TPX2: variants seen among roughly 807,000 people sequenced by gnomAD.
TPX2 encodes TPX2 microtubule nucleation factor, also known as targeting protein for Xklp2.
A neutral mutation model predicts 93.6 loss-of-function variants in TPX2; 21 were observed. The ratio of observed to expected loss-of-function variants is 0.22; its 90% CI spans 0.16 to 0.32. TPX2 has a LOEUF of 0.32. Among genes scored for constraint, TPX2 ranks in the 10% least tolerant of loss-of-function variants. The pLI is 1.00. For missense variants in TPX2, 776 were observed against 871.1 expected, an observed-to-expected ratio of 0.89 and a Z score of 1.37; for synonymous variants, 281 against 298.3, an observed-to-expected ratio of 0.94 and a Z score of 0.60.
At chr20:31,751,176 A>G (rs1400975495) in intron 2 of TPX2, among the ~76,000 whole-genome samples, 1 of 152,120 alleles carries the variant, frequency 6.6e-6, no homozygotes, top group African/African-American at 2.4e-5. Context: ...AAAAGAAAGA[A>G]AAAAAGGATG....
At chr20:31,780,800 T>G (rs985240928) in intron 10 of TPX2, 2 of 260,960 alleles carry the variant, frequency 7.7e-6, no homozygotes, top group African/African-American at 4.7e-5. Context: ...TTAACATAGT[T>G]TTTAACTTTC....
intron 3 of TPX2, among the ~76,000 whole-genome samples, chr20:31,758,373 G>T (rs2061865055): frequency 6.6e-6 from 1 of 152,082 alleles, no homozygotes; most frequent in Non-Finnish European, 1.5e-5. Flanking sequence ...ACCCACCTCA[G>T]CCTCCCAAAG....
At chr20:31,792,344 G>A (rs910937359) in intron 12 of TPX2, among the ~76,000 whole-genome samples, 1 of 152,148 alleles carries the variant, frequency 6.6e-6, no homozygotes, top group Non-Finnish European at 1.5e-5. Context: ...GGGCAACAGG[G>A]TGAGACTCTG....
rs553608828 is a variant in TPX2, at chr20:31,746,748, A to G, written c.-71+4101A>G. ...CACCTTTTGATTTATAGAGCTTGTCAAGACTAGTTATTTTTGGTTTGAGAG... is the reference window on the plus strand; with the variant it reads ...CACCTTTTGATTTATAGAGCTTGTCGAGACTAGTTATTTTTGGTTTGAGAG... On this transcript the variant is annotated intron_variant, in intron 2 of 17. Transcript: ENST00000300403. Among the ~76,000 whole-genome samples, 4 of 152,240 alleles carry G rather than the reference A, an allele frequency of 2.6e-5. No homozygotes were observed. The East Asian group carries it at 7.7e-4, about 29-fold the overall frequency.
intron 2 of TPX2, among the ~76,000 whole-genome samples, chr20:31,749,843 A>T (rs908072122): frequency 6.6e-6 from 1 of 152,158 alleles, no homozygotes; most frequent in African/African-American, 2.4e-5. Context: ...TAACTTTTTC[A>T]AATTTATATA....
In TPX2 at chr20:31,775,970, C is replaced by T. The variant is rs771264707; in HGVS notation, c.712C>T (p.Leu238Phe). 19 of 1,493,114 alleles carry T rather than the reference C, an allele frequency of 1.3e-5. No homozygotes were observed. The Admixed American group carries it at 3.4e-4, about 26-fold the overall frequency. 92.5% of individuals were successfully genotyped at this position (1,493,114 alleles called of 1,614,324 possible). A position where few individuals can be genotyped will look rare whatever the true frequency, so the allele number is the denominator to read the frequency against. ...MRKKNEEFKK[L>F]ALAGIGQPVK... ...GAAAAAGAATGAAGAATTCAAGAAACTTGCTCTGGCTGGAATAGGTGAGCT... is the reference window on the plus strand; with the variant it reads ...GAAAAAGAATGAAGAATTCAAGAAATTTGCTCTGGCTGGAATAGGTGAGCT... Residue 238 changes from leucine to phenylalanine, a missense_variant, in exon 8 of 18, where the codon CTT (leucine) becomes TTT (phenylalanine). Coordinates refer to ENST00000300403, the MANE Select transcript of TPX2 (RefSeq NM_012112.5).
intron 2 of TPX2, among the ~76,000 whole-genome samples, chr20:31,756,632 A>AT (rs34823692): frequency 1.3e-5 from 2 of 151,362 alleles, no homozygotes; most frequent in African/African-American, 2.4e-5. Flanking sequence ...ATTTATTATT[A>AT]TTTTTTTTGA....
chr20:31,771,031 A>G (rs1367540551), intron 6 of TPX2, among the ~76,000 whole-genome samples: 1 of 152,036 alleles, frequency 6.6e-6, no homozygotes, highest in Non-Finnish European at 1.5e-5. Flanking sequence ...GTTTAAGAGA[A>G]GAAGAAGAGT....
chr20:31,742,196 GAC>G lies in TPX2; in HGVS notation c.-177-343_-177-342del, dbSNP rs1473596136. On this transcript the variant is annotated intron_variant, in intron 1 of 17. Transcript: ENST00000300403. ...GCTCTTTTTTTTTTTTTTTTTTTGA[GAC>G]AGTCTCACTGTGTTGCTCAGGCTGG... Among the ~76,000 whole-genome samples the G allele has an allele frequency of 2.2e-3, 284 of 130,144 alleles. 1 individual carries two copies. Among genetic ancestry groups the G allele is most frequent in the African/African-American group, 8.1e-3 (272 of 33,666 alleles). The allele number at this position is 130,144 out of a possible 152,430, so 85.4% of individuals were successfully genotyped here.
chr20:31,750,083 G>A lies in TPX2; in HGVS notation c.-70-7324G>A, dbSNP rs530529978. On this transcript the variant is annotated intron_variant, in intron 2 of 17. Transcript: ENST00000300403. Reference sequence around the variant, plus strand: ...CTCCCGAGTAGCTGGGACTACAGGCGCATGCCACGATGCCCAGCTAATTTT... The same window carrying A: ...CTCCCGAGTAGCTGGGACTACAGGCACATGCCACGATGCCCAGCTAATTTT... 6.1e-4 allele frequency among the ~76,000 whole-genome samples: 90 copies of A among 147,852 alleles called. 1 individual carries two copies. The highest frequency in any genetic ancestry group is 2.1e-3 in the African/African-American group (85 of 40,108).
chr20:31,740,100 AG>A (rs2061745317), intron 1 of TPX2, among the ~76,000 whole-genome samples: 1 of 152,102 alleles, frequency 6.6e-6, no homozygotes, highest in Non-Finnish European at 1.5e-5. Context: ...TATAGATTGG[AG>A]GGGGGAAGGA....
chr20:31,759,495 G>T (rs867842659), intron 3 of TPX2, among the ~76,000 whole-genome samples: 1 of 149,766 alleles, frequency 6.7e-6, no homozygotes, highest in African/African-American at 2.5e-5. Context: ...CACCTTCCAG[G>T]TTCAAGCGAT....
At chr20:31,762,908 A>G (rs1393054267) in intron 4 of TPX2, among the ~76,000 whole-genome samples, 2 of 152,164 alleles carry the variant, frequency 1.3e-5, no homozygotes, top group African/African-American at 2.4e-5. Context: ...TCCCAAAGCT[A>G]GCACCATTTA....
intron 2 of TPX2, among the ~76,000 whole-genome samples, chr20:31,747,523 G>T (rs1366188552): frequency 6.6e-6 from 1 of 152,124 alleles, no homozygotes; most frequent in African/African-American, 2.4e-5. Flanking sequence ...TGGGCTATAA[G>T]ACACGATGGA....
intron 12 of TPX2, among the ~76,000 whole-genome samples, chr20:31,790,030 AC>A (rs1568605706): frequency 6.6e-6 from 1 of 152,162 alleles, no homozygotes; most frequent in African/African-American, 2.4e-5. Context: ...GAACAGACAG[AC>A]CCGTGGCTTC....
intron 12 of TPX2, among the ~76,000 whole-genome samples, chr20:31,790,913 C>T (rs919186774): frequency 1.2e-4 from 18 of 152,188 alleles, no homozygotes; most frequent in African/African-American, 4.3e-4. Context: ...GGGGTCAGTT[C>T]TGTAGGTCCT....
chr20:31,794,279 C>T (rs1232038080), intron 14 of TPX2, 123 bp from the exon 15 acceptor site: 2 of 1,331,388 alleles, frequency 1.5e-6, no homozygotes, highest in Non-Finnish European at 2.0e-6. Context: ...ACCCATTATT[C>T]ATTCTTTCAT....
At chr20:31,793,177 G>A (rs2062113549) in intron 13 of TPX2, among the ~76,000 whole-genome samples, 1 of 152,170 alleles carries the variant, frequency 6.6e-6, no homozygotes, top group African/African-American at 2.4e-5. Flanking sequence ...ACTATTCAGT[G>A]ATGGACTTTG....
At chr20:31,800,866 C>A in intron 17 of TPX2, 104 bp from the exon 18 acceptor site, 2 of 939,010 alleles carry the variant, frequency 2.1e-6, no homozygotes, top group Non-Finnish European at 3.4e-6. Context: ...TGACTGGGAC[C>A]TGTAAAACTC....
Sources: gnomAD v4.1 joint callset for allele counts (sites outside exome capture counted in the v4.1 genomes callset) on GRCh38, gnomAD v4.1.1 for gene constraint, MANE v1.5 for transcripts, NCBI Gene and HGNC (gene_info 2026-07-23, HGNC 2026-07-21) for gene names.